ADAM18: variants seen among roughly 807,000 people sequenced by gnomAD.
The protein encoded by ADAM18 is ADAM metallopeptidase domain 18.
In ADAM18, 117 loss-of-function variants were observed where a neutral mutation model predicts 94.4. The observed-to-expected ratio is 1.24, with a 90% CI of 1.07 to 1.45. The LOEUF (loss-of-function observed/expected upper bound fraction) is 1.45, where lower values mean the gene tolerates loss of function less well. Ranked by LOEUF, ADAM18 falls within the 40% of genes most tolerant of loss-of-function variation. ADAM18 has a pLI of 0.00. For synonymous variants in ADAM18, 327 were observed against 291.6 expected, an observed-to-expected ratio of 1.12 and a Z score of -1.24; for missense variants, 936 against 880.0, an observed-to-expected ratio of 1.06 and a Z score of -0.81.
intron 6 of ADAM18, among the ~76,000 whole-genome samples, chr8:39,615,228 A>G (rs1338938447): frequency 8.4e-6 from 1 of 118,944 alleles, no homozygotes; most frequent in East Asian, 2.4e-4. Flanking sequence ...CAACAAATTA[A>G]AAAAAAAAAA....
intron 2 of ADAM18, among the ~76,000 whole-genome samples, chr8:39,590,782 C>A (rs1189878404): frequency 6.6e-6 from 1 of 152,038 alleles, no homozygotes; most frequent in African/African-American, 2.4e-5. Context: ...GACACACCTC[C>A]AAAATTAGCA....
chr8:39,631,926 T>G (rs542074820), intron 7 of ADAM18, among the ~76,000 whole-genome samples: 187 of 152,168 alleles, frequency 1.2e-3, no homozygotes, highest in Non-Finnish European at 1.9e-3. Context: ...GATGCCCTAG[T>G]AAATGGTATT....
At chr8:39,632,799 A>G (rs1819965522) in intron 7 of ADAM18, among the ~76,000 whole-genome samples, 1 of 152,198 alleles carries the variant, frequency 6.6e-6, no homozygotes, top group Admixed American at 6.5e-5. Flanking sequence ...CTTTGAGGAA[A>G]TATTTTAAAG....
chr8:39,725,008 G>C lies in ADAM18; in HGVS notation c.2177+1101G>C, dbSNP rs201999. ...TAGTATATAGTCTGTCCTGAAGACT[G>C]TTCCAAATACACTTGAATAGAAGGT... On this transcript the variant is annotated intron_variant, in intron 19 of 19. Transcript: ENST00000265707. Among the ~76,000 whole-genome samples the C allele has an allele frequency of 6.0e-3, 911 of 151,884 alleles. 11 individuals carry two copies. The highest frequency in any genetic ancestry group is 0.021 in the African/African-American group (870 of 41,466).
At chr8:39,654,551 A>T (rs1203179705) in intron 12 of ADAM18, among the ~76,000 whole-genome samples, 1 of 152,012 alleles carries the variant, frequency 6.6e-6, no homozygotes, top group African/African-American at 2.4e-5. Context: ...TCTCTTTTGG[A>T]TGTATATCCA....
intron 18 of ADAM18, among the ~76,000 whole-genome samples, chr8:39,719,295 TA>T (rs1482451324): frequency 6.6e-6 from 1 of 151,438 alleles, no homozygotes; most frequent in Non-Finnish European, 1.5e-5. Flanking sequence ...GTAAAAAAGA[TA>T]AACTTAGAGC....
chr8:39,689,446 A>G (rs1821707020), intron 16 of ADAM18, among the ~76,000 whole-genome samples: 2 of 152,226 alleles, frequency 1.3e-5, no homozygotes, highest in African/African-American at 4.8e-5. Context: ...TTTATTGAAT[A>G]GAATATCCTT....
At chr8:39,711,141 C>T (rs990226185) in intron 18 of ADAM18, among the ~76,000 whole-genome samples, 2 of 152,094 alleles carry the variant, frequency 1.3e-5, no homozygotes, top group East Asian at 1.9e-4. Flanking sequence ...CAAAACATTA[C>T]CTGAACAAAA....
At chr8:39,715,436 A>C (rs1037189374) in intron 18 of ADAM18, among the ~76,000 whole-genome samples, 2 of 151,384 alleles carry the variant, frequency 1.3e-5, no homozygotes, top group African/African-American at 2.4e-5. Context: ...AATCCAAAAT[A>C]AAGAAAAGAA....
chr8:39,703,276 C>A (rs1214317005), intron 17 of ADAM18, among the ~76,000 whole-genome samples: 1 of 152,012 alleles, frequency 6.6e-6, no homozygotes, highest in Admixed American at 6.6e-5. Flanking sequence ...ATTTGGCTCT[C>A]CGGTTGACTG....
rs142361690 is a variant in ADAM18, at chr8:39,662,800, T to G, written c.1231-995T>G. ...CCACCACGCCTGGCTAATTTTTGTA[T>G]TTTTAGTAAAGGTGGGGTTTCACCA... On this transcript the variant is annotated intron_variant, in intron 12 of 19. Coordinates refer to ENST00000265707, the MANE Select transcript of ADAM18 (RefSeq NM_014237.3). Among the ~76,000 whole-genome samples the G allele has an allele frequency of 6.0e-3, 913 of 152,214 alleles. 5 individuals are homozygous for G. The highest frequency in any genetic ancestry group is 0.021 in the African/African-American group (870 of 41,530).
chr8:39,665,694 C>T (rs1820978147), intron 13 of ADAM18, among the ~76,000 whole-genome samples: 1 of 152,084 alleles, frequency 6.6e-6, no homozygotes, highest in Non-Finnish European at 1.5e-5. Context: ...TTGATCCATA[C>T]AAATTATTGA....
rs1819820234 is a variant in ADAM18, at chr8:39,627,950, CTT to C, written c.523-1422_523-1421del. Among the ~76,000 whole-genome samples, 5 of 152,048 alleles carry C rather than the reference CTT, an allele frequency of 3.3e-5. No homozygotes were observed. The South Asian group carries it at 8.3e-4, about 25-fold the overall frequency. On this transcript the variant is annotated intron_variant, in intron 6 of 19. Transcript: ENST00000265707. ...TTAGCATTTGGTTGTCTGAAAAAGA[CTT>C]TACTTATCCTTCATTTATAAAACTT...
At chr8:39,655,720 A>T (rs1478698818) in intron 12 of ADAM18, among the ~76,000 whole-genome samples, 1 of 152,148 alleles carries the variant, frequency 6.6e-6, no homozygotes, top group East Asian at 1.9e-4. Context: ...TAATCATATC[A>T]TTGTATGCAT....
intron 6 of ADAM18, among the ~76,000 whole-genome samples, chr8:39,620,636 A>G (rs1819589407): frequency 6.9e-6 from 1 of 145,510 alleles, no homozygotes; most frequent in African/African-American, 2.5e-5. Flanking sequence ...TATATAACAT[A>G]TATTTATATA....
At position 39,620,384 on chromosome 8, in the gene ADAM18, AT is replaced by A. The variant is rs1442380324; in HGVS notation, c.523-8989del. On this transcript the variant is annotated intron_variant, in intron 6 of 19. Coordinates refer to ENST00000265707, the MANE Select transcript of ADAM18 (RefSeq NM_014237.3). ...AAAAAAAAAAAAAAAACAAAAAAAAATCACAAAACAAAACAAAGAAAAAATG... is the reference window on the plus strand; with the variant it reads ...AAAAAAAAAAAAAAAACAAAAAAAAACACAAAACAAAACAAAGAAAAAATG... Among the ~76,000 whole-genome samples the A allele has an allele frequency of 5.2e-3, 758 of 144,826 alleles. 2 individuals carry two copies. Among genetic ancestry groups the A allele is most frequent in the African/African-American group, 0.016 (619 of 39,506 alleles).
intron 16 of ADAM18, among the ~76,000 whole-genome samples, chr8:39,681,365 A>G (rs1267960070): frequency 6.6e-6 from 1 of 152,208 alleles, no homozygotes; most frequent in African/African-American, 2.4e-5. Context: ...TCGGACCAAC[A>G]GGTGAGACTA....
At chr8:39,619,079 C>A (rs935957874) in intron 6 of ADAM18, among the ~76,000 whole-genome samples, 1 of 152,060 alleles carries the variant, frequency 6.6e-6, no homozygotes, top group Non-Finnish European at 1.5e-5. Flanking sequence ...CCAACAAGGG[C>A]ATTATATAAT....
At chr8:39,698,241 T>C (rs1821978818) in intron 17 of ADAM18, among the ~76,000 whole-genome samples, 1 of 151,918 alleles carries the variant, frequency 6.6e-6, no homozygotes, top group South Asian at 2.1e-4. Flanking sequence ...GACTTACTCA[T>C]ATTATTTTTC....
Sources: gnomAD v4.1 joint callset for allele counts (sites outside exome capture counted in the v4.1 genomes callset) on GRCh38, gnomAD v4.1.1 for gene constraint, MANE v1.5 for transcripts, NCBI Gene and HGNC (gene_info 2026-07-23, HGNC 2026-07-21) for gene names.